Variants in RHOQ observed in about 807,000 individuals in gnomAD.
RHOQ encodes rho-related GTP-binding protein RhoQ.
A neutral mutation model predicts 25.8 loss-of-function variants in RHOQ; 7 were observed. The ratio of observed to expected loss-of-function variants is 0.27; its 90% CI spans 0.15 to 0.51. RHOQ has a LOEUF of 0.51. Ranked by LOEUF, RHOQ falls within the 20% of genes least tolerant of loss-of-function variation. RHOQ has a pLI of 0.97. For synonymous variants in RHOQ, 97 were observed against 98.6 expected (o/e 0.98, Z 0.10); for missense variants, 165 against 260.6 (o/e 0.63, Z 2.53).
At chr2:46,560,807 C>T (rs1230425977) in intron 2 of RHOQ, 1 of 226,472 alleles carries the variant, frequency 4.4e-6, no homozygotes, top group African/African-American at 2.3e-5. Flanking sequence ...AAACATACTC[C>T]ATTAGGTTAT....
chr2:46,554,501 A>C (rs1226361435), intron 2 of RHOQ, among the ~76,000 whole-genome samples: 1 of 152,128 alleles, frequency 6.6e-6, no homozygotes, highest in Non-Finnish European at 1.5e-5. Flanking sequence ...ATTGTGGCTG[A>C]GGTTAGCACT....
intron 2 of RHOQ, among the ~76,000 whole-genome samples, chr2:46,558,555 C>A (rs1668472839): frequency 6.6e-6 from 1 of 152,138 alleles, no homozygotes; most frequent in South Asian, 2.1e-4. Context: ...ACCCATTTTT[C>A]CTCTCTGAAA....
rs1277260049 is a variant in RHOQ, at chr2:46,582,175, C to A, written c.*1092C>A. 2.0e-5 allele frequency: 3 copies of A among 151,950 alleles called. No homozygotes were observed. In the East Asian group the frequency reaches 5.8e-4, roughly 29 times the overall value. The allele number at this position is 151,950 out of a possible 1,614,324, so 9.4% of individuals were successfully genotyped here. A position where few individuals can be genotyped will look rare whatever the true frequency, so the allele number is the denominator to read the frequency against. ...GAATGTAAGTTAAACAAAATACCGG[C>A]TTCCAGAGACCCCTTTTCTCCAGCC... On this transcript the variant is annotated 3_prime_UTR_variant, in exon 5 of 5. Transcript: ENST00000238738.
chr2:46,564,855 A>G (rs576842676), intron 2 of RHOQ, among the ~76,000 whole-genome samples: 1 of 152,382 alleles, frequency 6.6e-6, no homozygotes, highest in Admixed American at 6.5e-5. Context: ...CTCCCTCTCC[A>G]TAGCTAGTCC....
At chr2:46,563,563 G>T (rs147941701) in intron 2 of RHOQ, among the ~76,000 whole-genome samples, 1 of 152,126 alleles carries the variant, frequency 6.6e-6, no homozygotes, top group Non-Finnish European at 1.5e-5. Context: ...GGGAGGGGAG[G>T]GCATCAAACC....
intron 2 of RHOQ, among the ~76,000 whole-genome samples, chr2:46,545,821 A>G (rs1008833621): frequency 5.9e-5 from 9 of 152,182 alleles, no homozygotes; most frequent in Non-Finnish European, 8.8e-5. Flanking sequence ...TCTACAGAGG[A>G]GAGAACTTAG....
Position 46,556,860 on chromosome 2 carries a change from A to G in RHOQ, c.201+13048A>G, listed in dbSNP as rs1249505508. ...TTTCTGTGGGGCCGTTTAGATTCAG[A>G]AACAATTTTATTGGGGCTTTCAAGG... On this transcript the variant is annotated intron_variant, in intron 2 of 4. Transcript: ENST00000238738. The surrounding 1 kb of genome is among the most constrained non-coding windows in gnomAD (Gnocchi z 4.9). 6.6e-6 allele frequency among the ~76,000 whole-genome samples: 1 copy of G among 152,170 alleles called. No individual in the cohort carries two copies. Among genetic ancestry groups the G allele is most frequent in the Admixed American group, 6.5e-5 (1 of 15,278 alleles).
At chr2:46,575,286 G>T (rs758729677) in intron 2 of RHOQ, among the ~76,000 whole-genome samples, 9 of 152,056 alleles carry the variant, frequency 5.9e-5, no homozygotes, top group Non-Finnish European at 7.4e-5. Flanking sequence ...GTATATTCAT[G>T]CATAGAAAAA....
At chr2:46,559,383 C>G (rs1480212603) in intron 2 of RHOQ, among the ~76,000 whole-genome samples, 1 of 152,106 alleles carries the variant, frequency 6.6e-6, no homozygotes, top group East Asian at 1.9e-4. Flanking sequence ...TGTGTAATCT[C>G]TAATTTTGAT....
At chr2:46,564,816 G>C (rs1330956946) in intron 2 of RHOQ, among the ~76,000 whole-genome samples, 1 of 152,366 alleles carries the variant, frequency 6.6e-6, no homozygotes, top group African/African-American at 2.4e-5. Flanking sequence ...TGCTCTGGTA[G>C]AAGTGTCAGA....
intron 2 of RHOQ, among the ~76,000 whole-genome samples, chr2:46,561,236 C>T (rs904302188): frequency 4.1e-5 from 5 of 121,264 alleles, no homozygotes; most frequent in African/African-American, 1.9e-4. Flanking sequence ...GTATCAAAGA[C>T]ATTGGCCAGG....
chr2:46,553,271 A>G (rs1234771190), intron 2 of RHOQ, among the ~76,000 whole-genome samples: 1 of 151,638 alleles, frequency 6.6e-6, no homozygotes, highest in African/African-American at 2.4e-5. Context: ...GCTGTCTTAC[A>G]TACACACTGT....
At chr2:46,572,405 G>A (rs1668962606) in intron 2 of RHOQ, among the ~76,000 whole-genome samples, 2 of 151,886 alleles carry the variant, frequency 1.3e-5, no homozygotes, top group African/African-American at 2.4e-5. Flanking sequence ...ACCTGGCCAT[G>A]TGTGATATTT....
rs1669383795 is a variant in RHOQ, at chr2:46,581,706, A to G, written c.*623A>G. The stretch of plus-strand genomic sequence containing the variant: ...TTAATGTGCTTTCTTAAAGAATGCC[A>G]AAAGTGTAATAAGGTCATAACTGCA... On this transcript the variant is annotated 3_prime_UTR_variant, in exon 5 of 5. Transcript: ENST00000238738. 3 of 1,424,812 alleles carry G rather than the reference A, an allele frequency of 2.1e-6. No homozygotes were observed. Among genetic ancestry groups the G allele is most frequent in the East Asian group, 2.6e-5 (1 of 37,840 alleles). 88.3% of individuals were successfully genotyped at this position (1,424,812 alleles called of 1,614,324 possible). A position where few individuals can be genotyped will look rare whatever the true frequency, so the allele number is the denominator to read the frequency against.
At chr2:46,571,582 G>A (rs142375096) in intron 2 of RHOQ, among the ~76,000 whole-genome samples, 7 of 152,296 alleles carry the variant, frequency 4.6e-5, no homozygotes, top group African/African-American at 1.4e-4. Context: ...GCTTAGTAAT[G>A]TTTGTTAAGC....
Position 46,583,305 on chromosome 2 carries a change from G to C in RHOQ, c.*2222G>C, listed in dbSNP as rs1669463963. Among the ~76,000 whole-genome samples, 1 of 152,106 alleles carries C rather than the reference G, an allele frequency of 6.6e-6. No homozygotes were observed. The highest frequency in any genetic ancestry group is 6.5e-5 in the Admixed American group (1 of 15,276). On this transcript the variant is annotated 3_prime_UTR_variant, in exon 5 of 5. Transcript: ENST00000238738. ...TCACCTGTTTCTTGACTGGGATTTG[G>C]TTTCCTCATTATAAATATGGGAGGT...
intron 2 of RHOQ, chr2:46,568,348 A>G (rs1057343570): frequency 1.3e-5 from 2 of 152,168 alleles, no homozygotes; most frequent in African/African-American, 4.8e-5. Context: ...CAACCTCCAG[A>G]AAGTATCCTT....
rs538972317 is a variant in RHOQ at position 46,544,439 on chromosome 2, T to C, written c.201+627T>C. Among the ~76,000 whole-genome samples, 333 of 152,264 alleles carry C rather than the reference T, an allele frequency of 2.2e-3. 2 individuals are homozygous for C. Among genetic ancestry groups the C allele is most frequent in the Non-Finnish European group, 3.2e-3 (219 of 68,010 alleles). On this transcript the variant is annotated intron_variant, in intron 2 of 4. Transcript: ENST00000238738. ...AGAGTGAATCTTGGAGGAGGAGGGG[T>C]TCCCCCCGGCCCTACTTCAGAAGGG... is the stretch of plus-strand genomic sequence containing the variant.
intron 2 of RHOQ, chr2:46,560,590 G>T (rs901398490): frequency 2.2e-6 from 1 of 456,124 alleles, no homozygotes; most frequent in Non-Finnish European, 4.4e-6. Context: ...CTGGGGTCAC[G>T]TGATCACGTT....
Sources: allele counts gnomAD v4.1 joint callset (sites outside exome capture counted in the v4.1 genomes callset), GRCh38; gene constraint gnomAD v4.1.1; non-coding constraint Gnocchi (gnomAD v3.1); transcripts MANE v1.5; gene names NCBI Gene and HGNC (gene_info 2026-07-23, HGNC 2026-07-21).